Variants in FAR1 observed in about 807,000 individuals in gnomAD.
FAR1 encodes fatty acyl-CoA reductase 1.
A neutral mutation model predicts 61.1 loss-of-function variants in FAR1; 22 were observed. The observed-to-expected ratio is 0.36, with a 90% CI of 0.26 to 0.51. FAR1 has a LOEUF of 0.51. FAR1 is among the 20% of genes least tolerant of loss of function. The pLI is 0.95. For missense variants in FAR1, 359 were observed against 626.9 expected (o/e 0.57, Z 4.56); for synonymous variants, 206 against 209.7 (o/e 0.98, Z 0.15).
At position 13,710,840 on chromosome 11, in the gene FAR1, T is replaced by C. The variant is rs756021546; in HGVS notation, c.693T>C (p.Ile231=). 26 of 1,611,024 alleles carry C rather than the reference T, an allele frequency of 1.6e-5. No homozygotes were observed. Among genetic ancestry groups the C allele is most frequent in the Non-Finnish European group, 2.2e-5 (26 of 1,179,070 alleles). ...KLNVAIVRPS[I]VGASWKEPFP... is the part of the protein sequence containing the mutation. ...ATGTGGCAATTGTAAGGCCATCGATTGTTGGTGCCAGTTGGAAAGAACCTT... is the reference window on the plus strand; with the variant it reads ...ATGTGGCAATTGTAAGGCCATCGATCGTTGGTGCCAGTTGGAAAGAACCTT... Residue 231 remains isoleucine, a synonymous_variant, in exon 5 of 12, where the codon ATT becomes ATC. Transcript: ENST00000354817.
At chr11:13,728,551 C>A in intron 11 of FAR1, 61 bp from the exon 12 acceptor site, 3 of 1,433,426 alleles carry the variant, frequency 2.1e-6, no homozygotes, top group South Asian at 2.5e-5. Flanking sequence ...AATTAGCTGC[C>A]ATCTAACAAT....
intron 9 of FAR1, chr11:13,715,755 A>G (rs999778122): frequency 1.3e-5 from 2 of 152,184 alleles, no homozygotes; most frequent in African/African-American, 4.8e-5. Context: ...ACAGTGGAAT[A>G]TACTATTAAA....
intron 1 of FAR1, among the ~76,000 whole-genome samples, chr11:13,670,334 G>A (rs965284715): frequency 1.1e-4 from 16 of 152,106 alleles, no homozygotes; most frequent in African/African-American, 3.9e-4. Flanking sequence ...TGTTGCCCAG[G>A]CTGGAGTGCA....
chr11:13,671,443 A>G (rs1591250848), intron 1 of FAR1, among the ~76,000 whole-genome samples: 1 of 152,224 alleles, frequency 6.6e-6, no homozygotes, highest in South Asian at 2.1e-4. Flanking sequence ...GAAAATTAAC[A>G]GTTGATAATG....
intron 4 of FAR1, among the ~76,000 whole-genome samples, chr11:13,709,369 CAG>C (rs748832612): frequency 6.6e-6 from 1 of 152,092 alleles, no homozygotes; most frequent in Non-Finnish European, 1.5e-5. Context: ...GATCAATAAA[CAG>C]AAATATTTAA....
At chr11:13,711,410 C>T (rs534413635) in intron 5 of FAR1, among the ~76,000 whole-genome samples, 1 of 152,054 alleles carries the variant, frequency 6.6e-6, no homozygotes, top group East Asian at 1.9e-4. Context: ...TACCATTTTC[C>T]CTAATCTCAG....
chr11:13,696,959 C>G (rs1021085613), intron 2 of FAR1, among the ~76,000 whole-genome samples: 5 of 152,170 alleles, frequency 3.3e-5, no homozygotes, highest in Non-Finnish European at 7.4e-5. Flanking sequence ...TTTGGGCTGG[C>G]TAGTTCTTTG....
intron 10 of FAR1, among the ~76,000 whole-genome samples, chr11:13,723,879 TA>T (rs375660960): frequency 1.5e-3 from 225 of 152,112 alleles, no homozygotes; most frequent in African/African-American, 5.2e-3. Flanking sequence ...TCAGATCTTA[TA>T]AATGTTTCTT....
At chr11:13,689,622 A>G (rs1480077386) in intron 1 of FAR1, among the ~76,000 whole-genome samples, 1 of 152,186 alleles carries the variant, frequency 6.6e-6, no homozygotes, top group Non-Finnish European at 1.5e-5. Flanking sequence ...TTTGATGAAC[A>G]TATGTACTTA....
Position 13,708,058 on chromosome 11 carries a change from A to G in FAR1, c.524A>G (p.Lys175Arg), listed in dbSNP as rs1168193784. Residue 175 changes from lysine (K) to arginine (R), a missense_variant, in exon 4 of 12, where the codon AAG (lysine) becomes AGG (arginine). By Grantham distance (26) the Lys-to-Arg change is conservative. Coordinates refer to ENST00000354817, the MANE Select transcript of FAR1 (RefSeq NM_032228.6). Reference sequence around the variant, plus strand: ...GTCTATCCACCACCTGTGGATCCCAAGAAGCTGATTGATTCTTTAGAGTAT... The same window carrying G: ...GTCTATCCACCACCTGTGGATCCCAGGAAGCTGATTGATTCTTTAGAGTAT... ...EVVYPPPVDP[K>R]KLIDSLEWMD... 1.3e-6 allele frequency: 2 copies of G among 1,593,024 alleles called. No individual in the cohort carries two copies. The highest frequency in any genetic ancestry group is 1.7e-6 in the Non-Finnish European group (2 of 1,171,216).
At chr11:13,702,422 A>G (rs1328660007) in intron 3 of FAR1, among the ~76,000 whole-genome samples, 1 of 152,148 alleles carries the variant, frequency 6.6e-6, no homozygotes, top group African/African-American at 2.4e-5. Context: ...TCTTAAAGGG[A>G]CTGATACCCT....
At chr11:13,679,139 C>G (rs1392544203) in intron 1 of FAR1, among the ~76,000 whole-genome samples, 1 of 151,652 alleles carries the variant, frequency 6.6e-6, no homozygotes, top group Non-Finnish European at 1.5e-5. Context: ...TATTGCAATT[C>G]TGTTATAAAA....
intron 1 of FAR1, among the ~76,000 whole-genome samples, chr11:13,688,303 T>A (rs1207946912): frequency 6.6e-6 from 1 of 152,130 alleles, no homozygotes; most frequent in Non-Finnish European, 1.5e-5. Context: ...AATCACTTGT[T>A]AATAGCTTTG....
intron 9 of FAR1, chr11:13,720,234 G>T (rs1848595904): frequency 6.6e-6 from 1 of 152,140 alleles, no homozygotes. Context: ...CAGTGAACAA[G>T]AGTTAAGAAA....
intron 2 of FAR1, among the ~76,000 whole-genome samples, 156 bp downstream of exon 2, chr11:13,695,110 C>G (rs901303550): frequency 3.3e-5 from 5 of 151,884 alleles, no homozygotes; most frequent in African/African-American, 1.2e-4. Context: ...TGGCAAGAAA[C>G]TGGATATGAC....
At chr11:13,710,906 T>C in intron 5 of FAR1, 36 bp downstream of exon 5, 1 of 1,571,584 alleles carries the variant, frequency 6.4e-7, no homozygotes, top group Non-Finnish European at 8.7e-7. Context: ...TAACTGGAGT[T>C]GAGAATTTTA....
rs74979959 is a variant in FAR1 at position 13,674,826 on chromosome 11, A to G, written c.-8+6020A>G. ...AATGAAACGTGTTTAGTAAAGTTCA[A>G]TTGGTCTGTTCTGTATTGGATAGAT... On this transcript the variant is annotated intron_variant, in intron 1 of 11. Coordinates refer to ENST00000354817, the MANE Select transcript of FAR1 (RefSeq NM_032228.6). Among the ~76,000 whole-genome samples the G allele has an allele frequency of 3.0e-3, 461 of 152,312 alleles. 3 individuals carry two copies. The highest frequency in any genetic ancestry group is 0.01 in the African/African-American group (431 of 41,574).
intron 4 of FAR1, among the ~76,000 whole-genome samples, chr11:13,708,447 G>GCACGCGCGCA (rs1555063886): frequency 7.3e-6 from 1 of 136,700 alleles, no homozygotes; most frequent in African/African-American, 2.8e-5. Context: ...GCGCGCGCGC[G>GCACGCGCGCA]CACACACACA....
intron 3 of FAR1, among the ~76,000 whole-genome samples, chr11:13,701,708 C>T (rs1848377763): frequency 6.6e-6 from 1 of 152,066 alleles, no homozygotes. Context: ...CAGGTGAGGG[C>T]ACTGTAATAG....
Sources: allele counts gnomAD v4.1 joint callset (sites outside exome capture counted in the v4.1 genomes callset), GRCh38; gene constraint gnomAD v4.1.1; transcripts MANE v1.5; gene names NCBI Gene and HGNC (gene_info 2026-07-23, HGNC 2026-07-21).